Variants in STK11IP observed in about 807,000 individuals in gnomAD.
The protein encoded by STK11IP is serine/threonine-protein kinase 11-interacting protein.
STK11IP carries 103 observed loss-of-function variants against 131.7 expected under a neutral mutation model. The observed-to-expected ratio is 0.78, with a 90% CI of 0.67 to 0.92. STK11IP has a LOEUF of 0.92. STK11IP is among the 40% of genes least tolerant of loss of function. The pLI is 0.00. For missense variants in STK11IP, 1,315 were observed against 1,385.7 expected, an observed-to-expected ratio of 0.95 and a Z score of 0.81; for synonymous variants, 557 against 575.6, an observed-to-expected ratio of 0.97 and a Z score of 0.46.
intron 19 of STK11IP, 125 bp downstream of exon 19, chr2:219,612,183 C>T (rs1310383581): frequency 3.6e-6 from 3 of 825,414 alleles, no homozygotes; most frequent in South Asian, 3.3e-5. Context: ...TCAACCCCAG[C>T]AGCTTCTTGC....
rs1357049847 is a variant in STK11IP at position 219,608,713 on chromosome 2, G to A, written c.1734G>A (p.Glu578=). The stretch of plus-strand genomic sequence containing the variant: ...AACTCCAAGCAGCTCGCACCTTGGA[G>A]CGACTGGAGCTCCAGAGTCTGGAGG... ...EVELQAARTL[E]RLELQSLEAA... Residue 578 remains glutamate (E), a synonymous_variant, in exon 15 of 25, where the codon GAG becomes GAA. Transcript: ENST00000456909. 6.2e-7 allele frequency: 1 copy of A among 1,613,176 alleles called. No homozygotes were observed. Among genetic ancestry groups the A allele is most frequent in the Non-Finnish European group, 8.5e-7 (1 of 1,179,766 alleles).
At chr2:219,606,951 T>C in intron 12 of STK11IP, 93 bp downstream of exon 12, 1 of 1,592,684 alleles carries the variant, frequency 6.3e-7, no homozygotes, top group Non-Finnish European at 8.6e-7. Flanking sequence ...GGAACTGTGC[T>C]TGCACGTGGT....
chr2:219,607,545 G>A (rs927313671), intron 13 of STK11IP, among the ~76,000 whole-genome samples: 2 of 152,010 alleles, frequency 1.3e-5, no homozygotes, highest in Non-Finnish European at 2.9e-5. Context: ...TGTAGTCCTA[G>A]CTACTTGGGA....
intron 7 of STK11IP, among the ~76,000 whole-genome samples, chr2:219,604,675 TTC>T (rs1484977350): frequency 6.6e-6 from 1 of 152,192 alleles, no homozygotes; most frequent in Non-Finnish European, 1.5e-5. Flanking sequence ...AGCTCTATGT[TTC>T]TTTAGATGGT....
At chr2:219,604,095 A>G (rs1268425283) in intron 7 of STK11IP, among the ~76,000 whole-genome samples, 3 of 152,128 alleles carry the variant, frequency 2.0e-5, no homozygotes, top group Admixed American at 2.0e-4. Flanking sequence ...GAGCCCTGTC[A>G]TCAGGTGTTG....
Position 219,611,712 on chromosome 2 carries a change from C to T in STK11IP, c.2213C>T (p.Pro738Leu). ...AAACAGGGAGAGCAGTCTCTGGCTCCTTCTCCGTCTGCCAGCCCTGTCTGC... is the reference window on the plus strand; with the variant it reads ...AAACAGGGAGAGCAGTCTCTGGCTCTTTCTCCGTCTGCCAGCCCTGTCTGC... The part of the protein sequence containing the change: ...ERKQGEQSLA[P>L]SPSASPVCHP... Residue 738 changes from proline (P) to leucine (L), a missense_variant, in exon 18 of 25, where the codon CCT becomes CTT. Physicochemically the swap from Pro to Leu is moderately conservative, Grantham distance 98 (BLOSUM62 -3). Transcript: ENST00000456909. The T allele has an allele frequency of 6.2e-7, 1 of 1,612,164 alleles. No homozygotes were observed. The highest frequency in any genetic ancestry group is 8.5e-7 in the Non-Finnish European group (1 of 1,179,840).
chr2:219,603,620 A>G (rs1427294343), intron 7 of STK11IP, among the ~76,000 whole-genome samples: 1 of 151,796 alleles, frequency 6.6e-6, no homozygotes, highest in Non-Finnish European at 1.5e-5. Flanking sequence ...TCCTGGGTTC[A>G]AGCAGTTCTC....
intron 22 of STK11IP, 110 bp downstream of exon 22, chr2:219,614,352 C>A: frequency 6.6e-7 from 1 of 1,517,894 alleles, no homozygotes; most frequent in South Asian, 1.1e-5. Flanking sequence ...GTCCTCATGC[C>A]ATGCCCCTTA....
chr2:219,600,070 T>G (rs1174480038), intron 2 of STK11IP, among the ~76,000 whole-genome samples: 1 of 141,630 alleles, frequency 7.1e-6, no homozygotes, highest in South Asian at 2.3e-4. Context: ...TTTTTTTTTT[T>G]TTTTTTTTTT....
rs1244992850 is a variant in STK11IP, at chr2:219,614,243, G to T, written c.2798+1G>T. On this transcript the variant is annotated splice_donor_variant, in intron 22 of 24. Coordinates refer to ENST00000456909, the MANE Select transcript of STK11IP (RefSeq NM_052902.4). LOFTEE classifies it high-confidence loss of function. ...AGGTCACCCCCCAGCACCGGCTCTGGTGAGTCGATAGGAGGCAGAGGCTGG... is the reference window on the plus strand; with the variant it reads ...AGGTCACCCCCCAGCACCGGCTCTGTTGAGTCGATAGGAGGCAGAGGCTGG... The T allele has an allele frequency of 3.1e-6, 5 of 1,613,114 alleles. No individual in the cohort carries two copies. Among genetic ancestry groups the T allele is most frequent in the Non-Finnish European group, 2.5e-6 (3 of 1,179,746 alleles).
chr2:219,608,694 A>T lies in STK11IP; in HGVS notation c.1715A>T (p.Gln572Leu), dbSNP rs1395467063. The change falls in exon 15 of 25, where the codon CAA (glutamine) becomes CTA (leucine). Residue 572 changes from glutamine to leucine, a missense_variant. Physicochemically the swap from Gln to Leu is moderately radical, Grantham distance 113 (BLOSUM62 -2). Coordinates refer to ENST00000456909, the MANE Select transcript of STK11IP (RefSeq NM_052902.4). ...GCCCACCTGTTTGAGGTGGAACTCCAAGCAGCTCGCACCTTGGAGCGACTG... is the reference window on the plus strand; with the variant it reads ...GCCCACCTGTTTGAGGTGGAACTCCTAGCAGCTCGCACCTTGGAGCGACTG... ...TSAHLFEVEL[Q>L]AARTLERLEL... The T allele has an allele frequency of 2.5e-6, 4 of 1,613,470 alleles. No individual in the cohort carries two copies. The highest frequency in any genetic ancestry group is 3.4e-6 in the Non-Finnish European group (4 of 1,179,844).
intron 19 of STK11IP, 86 bp downstream of exon 19, chr2:219,612,144 A>G: frequency 8.0e-7 from 1 of 1,243,782 alleles, no homozygotes; most frequent in South Asian, 1.3e-5. Flanking sequence ...CAGATCAAGC[A>G]CTCTAGAGAC....
Position 219,601,698 on chromosome 2 carries a change from T to A in STK11IP, c.325T>A (p.Ser109Thr), listed in dbSNP as rs1697991456. Reference sequence around the variant, plus strand: ...GCCCATCAAGATTTTCCCCTTCAAATCCCTTCGGCACCTGGAGGTATGGGG... The same window carrying A: ...GCCCATCAAGATTTTCCCCTTCAAAACCCTTCGGCACCTGGAGGTATGGGG... ...TGPIKIFPFK[S>T]LRHLELRGVP... is the part of the protein sequence containing the mutation. The change falls in exon 4 of 25, where the codon TCC (serine) becomes ACC (threonine). Residue 109 changes from serine to threonine, a missense_variant. By Grantham distance (58) the Ser-to-Thr change is moderately conservative. Transcript: ENST00000456909. 4 of 1,603,546 alleles carry A rather than the reference T, an allele frequency of 2.5e-6. No homozygotes were observed. Among genetic ancestry groups the A allele is most frequent in the Non-Finnish European group, 8.5e-7 (1 of 1,175,254 alleles).
chr2:219,614,816 T>C, intron 23 of STK11IP: 1 of 641,924 alleles, frequency 1.6e-6, no homozygotes, highest in Admixed American at 2.4e-5. Flanking sequence ...CGTGGCTGAG[T>C]CGGCCCTGCC....
At chr2:219,615,840 C>T in intron 24 of STK11IP, 1 of 750,738 alleles carries the variant, frequency 1.3e-6, no homozygotes, top group Non-Finnish European at 2.4e-6. Flanking sequence ...AAGACAGGTC[C>T]TCTGGAGGCT....
At chr2:219,615,839 C>T in intron 24 of STK11IP, 1 of 747,692 alleles carries the variant, frequency 1.3e-6, no homozygotes, top group Non-Finnish European at 2.4e-6. Context: ...AAAGACAGGT[C>T]CTCTGGAGGC....
At chr2:219,606,382 A>G (rs1221439749) in intron 10 of STK11IP, 92 bp downstream of exon 10, 1 of 1,549,110 alleles carries the variant, frequency 6.5e-7, no homozygotes, top group Admixed American at 1.9e-5. Flanking sequence ...GTGAGGGGCC[A>G]AGGACCTGGA....
intron 19 of STK11IP, 144 bp from the exon 20 acceptor site, chr2:219,612,984 G>A (rs1322100406): frequency 1.3e-5 from 8 of 626,896 alleles, no homozygotes; most frequent in East Asian, 5.7e-5. Context: ...AGAGGCTGTC[G>A]AGTGTGAGGG....
chr2:219,598,206 G>A, intron 2 of STK11IP, 26 bp downstream of exon 2: 2 of 1,518,324 alleles, frequency 1.3e-6, no homozygotes, highest in Middle Eastern at 1.7e-4. Context: ...GTTGGGCTGG[G>A]CCTCGGACCT....
Sources: allele counts gnomAD v4.1 joint callset (sites outside exome capture counted in the v4.1 genomes callset), GRCh38; gene constraint gnomAD v4.1.1; transcripts MANE v1.5; gene names NCBI Gene and HGNC (gene_info 2026-07-23, HGNC 2026-07-21).